The following MYO15B variants were observed in gnomAD, a reference collection of about 807,000 sequenced individuals.
MYO15B encodes myosin XVB.
A neutral mutation model predicts 119.3 loss-of-function variants in MYO15B; 207 were observed. That is an observed-to-expected ratio of 1.73 (90% CI 1.55 to 1.95). The LOEUF is 1.95. Among genes scored for constraint, MYO15B ranks in the 30% most tolerant of loss-of-function variants. The probability of loss-of-function intolerance (pLI) is 0.00; values close to 1 mark genes in which losing one functional copy is unlikely to be tolerated. For synonymous variants in MYO15B, 966 were observed against 498.9 expected, an observed-to-expected ratio of 1.94 and a Z score of -12.48; for missense variants, 2,264 against 1,203.1, an observed-to-expected ratio of 1.88 and a Z score of -13.04.
intron 19 of MYO15B, among the ~76,000 whole-genome samples, chr17:75,604,190 A>G (rs2057467917): frequency 6.6e-6 from 1 of 152,058 alleles, no homozygotes; most frequent in Non-Finnish European, 1.5e-5. Context: ...CCTACCAGCT[A>G]CAGCAATTGT....
Position 75,591,581 on chromosome 17 carries a change from AC to A in MYO15B, c.2436-18del. The A allele has an allele frequency of 7.1e-6, 5 of 702,582 alleles. No homozygotes were observed. Among genetic ancestry groups the A allele is most frequent in the Non-Finnish European group, 1.3e-5 (5 of 384,864 alleles). The allele number at this position is 702,582 out of a possible 1,614,324, so 43.5% of individuals were successfully genotyped here. On this transcript the variant is annotated intron_variant, in intron 4 of 63. Coordinates refer to ENST00000645453, the Ensembl canonical transcript of MYO15B. ...CTATGTGCCCCTCCCTGGAGACCCTACCAACCAACACATCCTTAGCTCCTCC... is the reference window on the plus strand; with the variant it reads ...CTATGTGCCCCTCCCTGGAGACCCTACAACCAACACATCCTTAGCTCCTCC...
chr17:75,595,070 C>T (rs755775499), intron 12 of MYO15B, 98 bp downstream of exon 12: 68 of 655,238 alleles, frequency 1.0e-4, no homozygotes, highest in Non-Finnish European at 1.7e-4. Flanking sequence ...GGGGCACTCG[C>T]GAGGTGCTTG....
chr17:75,622,183 G>C, intron 53 of MYO15B, 103 bp downstream of exon 53: 1 of 672,708 alleles, frequency 1.5e-6, no homozygotes, highest in Non-Finnish European at 2.7e-6. Flanking sequence ...TCATTCCAAA[G>C]TATTTACTGA....
At chr17:75,597,934 A>C (rs1218564986) in intron 14 of MYO15B, among the ~76,000 whole-genome samples, 1 of 151,934 alleles carries the variant, frequency 6.6e-6, no homozygotes, top group Admixed American at 6.6e-5. Context: ...TAATTATAAA[A>C]AAACAAACCA....
intron 14 of MYO15B, among the ~76,000 whole-genome samples, chr17:75,600,176 G>A (rs2057163873): frequency 1.3e-5 from 2 of 150,886 alleles, no homozygotes; most frequent in South Asian, 2.1e-4. Flanking sequence ...GCAGGTGCCC[G>A]CCACCATGCC....
chr17:75,605,489 C>T lies in MYO15B; in HGVS notation c.4017-15C>T. 1 of 702,140 alleles carries T rather than the reference C, an allele frequency of 1.4e-6. No homozygotes were observed. Among genetic ancestry groups the T allele is most frequent in the Non-Finnish European group, 2.6e-6 (1 of 384,812 alleles). 43.5% of individuals were successfully genotyped at this position (702,140 alleles called of 1,614,324 possible). The stretch of plus-strand genomic sequence containing the variant: ...GGTTCTGGCTATTCTGATCTCAGCT[C>T]CATCCTTGGAGCAGCTTCCAGGCCC... On this transcript the variant is annotated splice_polypyrimidine_tract_variant and intron_variant, in intron 19 of 63. Transcript: ENST00000645453.
chr17:75,611,596 G>A lies in MYO15B; in HGVS notation c.4447-5G>A. ...GATCCTGGGTAAATGAGTCCCCTCT[G>A]CCAGGAGCTGGGGCGCTTGGAGATC... On this transcript the variant is annotated splice_polypyrimidine_tract_variant and splice_region_variant and intron_variant, in intron 23 of 63. Coordinates refer to ENST00000645453, the Ensembl canonical transcript of MYO15B. The A allele has an allele frequency of 1.4e-6, 1 of 702,710 alleles. No individual in the cohort carries two copies. Among genetic ancestry groups the A allele is most frequent in the Non-Finnish European group, 2.6e-6 (1 of 384,976 alleles). 43.5% of individuals were successfully genotyped at this position (702,710 alleles called of 1,614,324 possible).
chr17:75,592,790 G>C (rs2056561616), exon 9 of MYO15B: 1 of 702,728 alleles, frequency 1.4e-6, no homozygotes, highest in East Asian at 2.7e-5. Flanking sequence ...CGTCTGGGCT[G>C]TGCTGGCCGC....
chr17:75,616,378 C>CACA (rs1555692192), exon 38 of MYO15B: 3 of 617,006 alleles, frequency 4.9e-6, no homozygotes, highest in African/African-American at 3.7e-5. Flanking sequence ...CAGGGGGAAG[C>CACA]GCAGGAGGAG....
At chr17:75,601,367 C>T (rs879880064) in intron 14 of MYO15B, 71 bp from the exon 15 acceptor site, 1 of 686,770 alleles carries the variant, frequency 1.5e-6, no homozygotes, top group Non-Finnish European at 2.7e-6. Flanking sequence ...CTCGTGCTCA[C>T]CGGGAGAGGG....
At chr17:75,617,052 C>T (rs1042246428) in intron 40 of MYO15B, 33 bp from the exon 41 acceptor site, 5 of 690,564 alleles carry the variant, frequency 7.2e-6, no homozygotes, top group Non-Finnish European at 1.3e-5. Flanking sequence ...TGTGCTGTGA[C>T]TCAGCCCGTG....
chr17:75,591,809 TC>T, intron 5 of MYO15B, 97 bp downstream of exon 5: 3 of 688,920 alleles, frequency 4.4e-6, no homozygotes, highest in Non-Finnish European at 8.0e-6. Context: ...CTTTCTCCTT[TC>T]AGCCAGGAGA....
In MYO15B at chr17:75,623,820, C is replaced by T. The variant is rs1420569259; in HGVS notation, c.8122C>T (p.Gln2708Ter). Residue 2708 changes from glutamine (Q) to a stop codon, truncating the protein, a stop_gained, in exon 54 of 64, where the codon CAG (glutamine) becomes TAG (stop). Coordinates refer to ENST00000645453, the Ensembl canonical transcript of MYO15B. LOFTEE classifies it high-confidence loss of function. Reference sequence around the variant, plus strand: ...GAAGCTGAGGGATGAGATTTACTGCCAGGTTATCAAGCAGGTCACGGGACA... The same window carrying T: ...GAAGCTGAGGGATGAGATTTACTGCTAGGTTATCAAGCAGGTCACGGGACA... The T allele has an allele frequency of 2.8e-6, 2 of 702,778 alleles. No homozygotes were observed. The highest frequency in any genetic ancestry group is 5.2e-6 in the Non-Finnish European group (2 of 384,984). The allele number at this position is 702,778 out of a possible 1,614,324, so 43.5% of individuals were successfully genotyped here.
intron 14 of MYO15B, among the ~76,000 whole-genome samples, chr17:75,599,484 T>C: frequency 6.6e-6 from 1 of 151,944 alleles, no homozygotes; most frequent in East Asian, 2.0e-4. Context: ...AGACGGGGTT[T>C]CACCATGTTA....
At chr17:75,615,794 A>G (rs1249780766) in exon 36 of MYO15B, 3 of 702,220 alleles carry the variant, frequency 4.3e-6, no homozygotes, top group Non-Finnish European at 7.8e-6. Context: ...CCCAGGCCTC[A>G]CCCTCAGCCG....
intron 53 of MYO15B, among the ~76,000 whole-genome samples, chr17:75,623,538 T>C (rs2058828249): frequency 6.6e-6 from 1 of 152,154 alleles, no homozygotes; most frequent in Non-Finnish European, 1.5e-5. Flanking sequence ...GCAGGAGAAT[T>C]GCTTGAACCT....
At chr17:75,599,577 A>G (rs12943907) in intron 14 of MYO15B, among the ~76,000 whole-genome samples, 117,663 of 151,794 alleles carry the variant, frequency 0.78, 45,686 homozygotes, top group Admixed American at 0.83. Flanking sequence ...AAGCCACCGC[A>G]CCTGGCCTGA....
chr17:75,620,769 GC>G (rs1363798323), intron 49 of MYO15B, 133 bp downstream of exon 49: 5 of 700,560 alleles, frequency 7.1e-6, no homozygotes, highest in Non-Finnish European at 1.3e-5. Flanking sequence ...CTGCCCCTCT[GC>G]CCGCTCCTGA....
intron 21 of MYO15B, among the ~76,000 whole-genome samples, chr17:75,606,363 G>A (rs1445832067): frequency 6.6e-6 from 1 of 151,730 alleles, no homozygotes; most frequent in Admixed American, 6.6e-5. Flanking sequence ...TACCCAGGCT[G>A]GAGTGCAGTG....
Sources: gnomAD v4.1 joint callset for allele counts (sites outside exome capture counted in the v4.1 genomes callset) on GRCh38, gnomAD v4.1.1 for gene constraint, MANE v1.5 for transcripts, NCBI Gene and HGNC (gene_info 2026-07-23, HGNC 2026-07-21) for gene names.